AS3MT: variants seen among roughly 807,000 people sequenced by gnomAD.
AS3MT encodes the protein S-adenosyl-L-methionine:arsenic(III) methyltransferase.
AS3MT carries 47 observed loss-of-function variants against 45.3 expected under a neutral mutation model. The observed-to-expected ratio is 1.04, with a 90% confidence interval of 0.82 to 1.32. The LOEUF is 1.32. Ranked by LOEUF, AS3MT falls within the 40% of genes most tolerant of loss-of-function variation. The pLI is 0.00. For missense variants in AS3MT, 396 were observed against 451.1 expected (o/e 0.88, Z 1.11); for synonymous variants, 141 against 152.8 (o/e 0.92, Z 0.57).
At chr10:102,872,727 C>A in intron 4 of AS3MT, 129 bp downstream of exon 4, 2 of 999,904 alleles carry the variant, frequency 2.0e-6, no homozygotes, top group Non-Finnish European at 2.9e-6. Context: ...CTCATTTGTG[C>A]CACTAGTGCT....
chr10:102,884,031 T>G (rs1421662044), intron 9 of AS3MT, among the ~76,000 whole-genome samples: 5 of 148,346 alleles, frequency 3.4e-5, no homozygotes. Context: ...CAGGCTGGAG[T>G]GCAGTGGCAC....
intron 10 of AS3MT, among the ~76,000 whole-genome samples, chr10:102,892,838 G>A (rs1845093904): frequency 6.6e-6 from 1 of 151,816 alleles, no homozygotes; most frequent in Admixed American, 6.6e-5. Context: ...AAATTAGATG[G>A]GCATGGTGGC....
intron 4 of AS3MT, 83 bp downstream of exon 4, chr10:102,872,681 T>G: frequency 2.1e-6 from 3 of 1,432,794 alleles, no homozygotes; most frequent in Non-Finnish European, 2.8e-6. Flanking sequence ...TCGTGGCTCT[T>G]CAAGGATAAT....
intron 9 of AS3MT, among the ~76,000 whole-genome samples, chr10:102,880,071 G>A (rs749444275): frequency 2.0e-5 from 3 of 152,102 alleles, no homozygotes; most frequent in African/African-American, 4.8e-5. Flanking sequence ...TCAGACATTG[G>A]ATTAATAGGG....
Position 102,869,809 on chromosome 10 carries a change from T to A in AS3MT, c.6T>A (p.Ala2=). M[A]ALRDAEIQKD... ...TAACTTTCCCGCTCCCGACAGTGGC[T>A]GCACTTCGTGACGCTGAGATACAGA... Residue 2 remains alanine, a synonymous_variant, in exon 2 of 11, where the codon GCT becomes GCA. Transcript: ENST00000369880. 1.9e-6 allele frequency: 3 copies of A among 1,614,138 alleles called. No homozygotes were observed. The highest frequency in any genetic ancestry group is 2.5e-6 in the Non-Finnish European group (3 of 1,180,038).
At chr10:102,882,151 G>A (rs1018784547) in intron 9 of AS3MT, among the ~76,000 whole-genome samples, 1 of 152,034 alleles carries the variant, frequency 6.6e-6, no homozygotes, top group Admixed American at 6.6e-5. Flanking sequence ...GTGTTAGCCA[G>A]GATGGTCTCA....
chr10:102,877,146 T>C (rs1844795841), intron 7 of AS3MT, 111 bp downstream of exon 7: 6 of 1,015,668 alleles, frequency 5.9e-6, no homozygotes, highest in Non-Finnish European at 9.0e-6. Context: ...GGTTAGGCCA[T>C]GAGGCCAAGG....
chr10:102,900,698 T>C lies in AS3MT; in HGVS notation c.1126T>C (p.Ter376GlnextTer14). The change falls in exon 11 of 11, where the codon TAA (stop) becomes CAA (glutamine). Residue 376 changes from the stop codon to glutamine, a stop_lost. Coordinates refer to ENST00000369880, the MANE Select transcript of AS3MT (RefSeq NM_020682.4). ...GGCCGTKKSC[*>Q] ...CTGCTGTGGCACAAAGAAAAGCTGC[T>C]AAATCTATAGCCAACCAGGGGACCA... 6.2e-7 allele frequency: 1 copy of C among 1,613,206 alleles called. No homozygotes were observed. Among genetic ancestry groups the C allele is most frequent in the East Asian group, 2.2e-5 (1 of 44,872 alleles).
At chr10:102,891,602 A>G (rs1331221336) in intron 10 of AS3MT, among the ~76,000 whole-genome samples, 2 of 152,174 alleles carry the variant, frequency 1.3e-5, no homozygotes, top group Non-Finnish European at 2.9e-5. Context: ...AAGTTTAATA[A>G]GCCTAAAATT....
chr10:102,886,752 T>C (rs1844964983), intron 9 of AS3MT, among the ~76,000 whole-genome samples: 1 of 152,084 alleles, frequency 6.6e-6, no homozygotes, highest in South Asian at 2.1e-4. Context: ...GCATCCCAAG[T>C]AGCTGGGACT....
At chr10:102,878,330 T>C in intron 7 of AS3MT, 49 bp from the exon 8 acceptor site, 1 of 1,603,426 alleles carries the variant, frequency 6.2e-7, no homozygotes, top group Non-Finnish European at 8.5e-7. Flanking sequence ...CTTAATACTG[T>C]ATTAAGTGTT....
At position 102,876,057 on chromosome 10, in the gene AS3MT, T is replaced by C. The variant is rs1422238179; in HGVS notation, c.529-897T>C. 2.0e-5 allele frequency among the ~76,000 whole-genome samples: 3 copies of C among 152,130 alleles called. No individual in the cohort carries two copies. In the East Asian group the frequency reaches 5.8e-4, roughly 29 times the overall value. On this transcript the variant is annotated intron_variant, in intron 6 of 10. Coordinates refer to ENST00000369880, the MANE Select transcript of AS3MT (RefSeq NM_020682.4). ...GTTAGTATGTCATTTTACACGCCAG[T>C]TCACTATCTCCACCAAAAATGTACT...
chr10:102,898,951 G>A (rs778773450), intron 10 of AS3MT, among the ~76,000 whole-genome samples: 1 of 152,292 alleles, frequency 6.6e-6, no homozygotes, highest in South Asian at 2.1e-4. Context: ...AGAATCACAG[G>A]ATGTTGGTGC....
Position 102,881,840 on chromosome 10 carries a change from A to G in AS3MT, c.885+2849A>G, listed in dbSNP as rs1237843213. ...AACCTCAAACTCCTGGGCTCAAGCG[A>G]TTCTCCCATCTCAGCCTCCCAAGTA... On this transcript the variant is annotated intron_variant, in intron 9 of 10. Transcript: ENST00000369880. This position sits in a 1 kb window ranked among gnomAD's most constrained non-coding sequence, Gnocchi z 4.2. Among the ~76,000 whole-genome samples, 1 of 151,930 alleles carries G rather than the reference A, an allele frequency of 6.6e-6. No homozygotes were observed. The highest frequency in any genetic ancestry group is 1.5e-5 in the Non-Finnish European group (1 of 67,994).
chr10:102,901,594 A>C lies in AS3MT; in HGVS notation c.*894A>C, dbSNP rs1218999633. The C allele has an allele frequency of 6.6e-6, 1 of 152,168 alleles. No homozygotes were observed. The highest frequency in any genetic ancestry group is 2.4e-5 in the African/African-American group (1 of 41,432). 9.4% of individuals were successfully genotyped at this position (152,168 alleles called of 1,614,324 possible). ...TCCTACTTCAAAGTTCTGGTGCCACATAGTGGTCAGAAATGGAACAGAGAA... is the reference window on the plus strand; with the variant it reads ...TCCTACTTCAAAGTTCTGGTGCCACCTAGTGGTCAGAAATGGAACAGAGAA... On this transcript the variant is annotated 3_prime_UTR_variant, in exon 11 of 11. Transcript: ENST00000369880.
chr10:102,869,925 G>T lies in AS3MT; in HGVS notation c.42+80G>T, dbSNP rs907690039. 4.9e-5 allele frequency: 78 copies of T among 1,589,970 alleles called. No individual in the cohort carries two copies. In the Admixed American group the frequency reaches 1.1e-3, roughly 23 times the overall value. ...TGGCCTGGCCCGCACCCTGTCCCCC[G>T]GGACTCCTGGAGTCGGGGTAGGGCA... On this transcript the variant is annotated intron_variant, in intron 2 of 10. Transcript: ENST00000369880.
intron 7 of AS3MT, among the ~76,000 whole-genome samples, chr10:102,878,076 A>G (rs1844815349): frequency 6.6e-6 from 1 of 152,086 alleles, no homozygotes; most frequent in Non-Finnish European, 1.5e-5. Context: ...ATACTACTTT[A>G]TTCACATAAC....
Position 102,869,559 on chromosome 10 carries a change from TG to T in AS3MT, c.-33del. ...CCTGAGTCGCAGGCCGAGGAGACAG[TG>T]AGTGCGCGCCCTGAGTCGCAGGCCG... is the stretch of plus-strand genomic sequence containing the variant. On this transcript the variant is annotated 5_prime_UTR_variant, in exon 1 of 11. Transcript: ENST00000369880. 4 of 1,526,172 alleles carry T rather than the reference TG, an allele frequency of 2.6e-6. No homozygotes were observed. The highest frequency in any genetic ancestry group is 3.5e-6 in the Non-Finnish European group (4 of 1,139,928). The allele number at this position is 1,526,172 out of a possible 1,614,324, so 94.5% of individuals were successfully genotyped here. A position where few individuals can be genotyped will look rare whatever the true frequency, so the allele number is the denominator to read the frequency against.
Position 102,878,841 on chromosome 10 carries a change from A to C in AS3MT, c.743-8A>C. On this transcript the variant is annotated splice_polypyrimidine_tract_variant and splice_region_variant and intron_variant, in intron 8 of 10. Transcript: ENST00000369880. The stretch of plus-strand genomic sequence containing the variant: ...TGGAGATGAACCGTGAATAAATTCT[A>C]TTTTTAGGTGACTGTCGTTTTGTTT... 6.2e-7 allele frequency: 1 copy of C among 1,611,426 alleles called. No homozygotes were observed. Among genetic ancestry groups the C allele is most frequent in the East Asian group, 2.2e-5 (1 of 44,858 alleles).
Sources: allele counts gnomAD v4.1 joint callset (sites outside exome capture counted in the v4.1 genomes callset), GRCh38; gene constraint gnomAD v4.1.1; non-coding constraint Gnocchi (gnomAD v3.1); transcripts MANE v1.5; gene names NCBI Gene and HGNC (gene_info 2026-07-23, HGNC 2026-07-21).